Variants in SLC14A2 observed in about 807,000 individuals in gnomAD.
The protein encoded by SLC14A2 is solute carrier family 14 member 2.
A neutral mutation model predicts 104.6 loss-of-function variants in SLC14A2; 91 were observed. The ratio of observed to expected loss-of-function variants is 0.87; its 90% CI spans 0.73 to 1.04. SLC14A2 has a LOEUF of 1.04. SLC14A2 is among the 50% of genes least tolerant of loss of function. The pLI is 0.00. For synonymous variants in SLC14A2, 476 were observed against 466.4 expected (o/e 1.02, Z -0.27); for missense variants, 1,189 against 1,156.0 (o/e 1.03, Z -0.41).
chr18:45,682,676 C>T lies in SLC14A2; in HGVS notation c.*157C>T. 4.7e-6 allele frequency: 3 copies of T among 644,066 alleles called. No individual in the cohort carries two copies. In the South Asian group the frequency reaches 5.5e-5, roughly 12 times the overall value. The allele number at this position is 644,066 out of a possible 1,614,324, so 39.9% of individuals were successfully genotyped here. On this transcript the variant is annotated 3_prime_UTR_variant, in exon 20 of 20. Transcript: ENST00000255226. ...ATGTAGTCACCATTCCAGAACCTCT[C>T]TTTTCTAAGATGCACAACACTTATC...
At chr18:45,442,557 G>T (rs1237078340) in intron 1 of SLC14A2, among the ~76,000 whole-genome samples, 1 of 152,150 alleles carries the variant, frequency 6.6e-6, no homozygotes, top group Non-Finnish European at 1.5e-5. Context: ...CACAGGTTAT[G>T]TTGGATTAGG....
intron 1 of SLC14A2, among the ~76,000 whole-genome samples, chr18:45,417,267 A>T (rs148786323): frequency 2.6e-5 from 4 of 152,174 alleles, no homozygotes; most frequent in African/African-American, 9.6e-5. Context: ...CTTTTTGGTG[A>T]TCCTTTCTTT....
At chr18:45,485,683 C>T (rs918896822) in intron 2 of SLC14A2, among the ~76,000 whole-genome samples, 4 of 152,070 alleles carry the variant, frequency 2.6e-5, no homozygotes, top group African/African-American at 9.7e-5. Context: ...GTTTTTTCTT[C>T]CCTTCAACTC....
At chr18:45,490,819 A>T (rs1477117005) in intron 2 of SLC14A2, among the ~76,000 whole-genome samples, 1 of 152,240 alleles carries the variant, frequency 6.6e-6, no homozygotes, top group Admixed American at 6.5e-5. Context: ...ATATTAAAGC[A>T]GGCAGTTCAC....
intron 1 of SLC14A2, among the ~76,000 whole-genome samples, chr18:45,312,969 G>T (rs2085093940): frequency 6.6e-6 from 1 of 152,164 alleles, no homozygotes; most frequent in South Asian, 2.1e-4. Flanking sequence ...TGCTGATGGA[G>T]GACATACATG....
chr18:45,634,716 A>G, intron 5 of SLC14A2: 1 of 429,946 alleles, frequency 2.3e-6, no homozygotes, highest in South Asian at 1.7e-5. Flanking sequence ...TAGACCCAGT[A>G]AGCCTTTGGA....
intron 1 of SLC14A2, among the ~76,000 whole-genome samples, chr18:45,220,172 T>C (rs2084048259): frequency 1.3e-5 from 2 of 152,296 alleles, no homozygotes; most frequent in Middle Eastern, 3.4e-3. Context: ...CCATTCCTGA[T>C]AGTAAGCAAG....
At chr18:45,184,213 T>A in the SLC14A2 span, among the ~76,000 whole-genome samples, 2,400 of 152,308 alleles carry the variant, frequency 0.016, 39 homozygotes, top group Non-Finnish European at 0.024. Flanking sequence ...ATAGTCACAC[T>A]GCTATTGTGT....
chr18:45,201,657 C>T, the SLC14A2 span, among the ~76,000 whole-genome samples: 7 of 151,896 alleles, frequency 4.6e-5, no homozygotes, highest in African/African-American at 7.3e-5. Context: ...TTAGAATCAG[C>T]CATTTCTCCA....
At chr18:45,193,811 C>A in the SLC14A2 span, among the ~76,000 whole-genome samples, 1 of 152,066 alleles carries the variant, frequency 6.6e-6, no homozygotes, top group Non-Finnish European at 1.5e-5. Flanking sequence ...AGGAGAATAA[C>A]ATTTTGAGAA....
At chr18:45,174,769 A>T in the SLC14A2 span, among the ~76,000 whole-genome samples, 1 of 152,156 alleles carries the variant, frequency 6.6e-6, no homozygotes, top group African/African-American at 2.4e-5. Context: ...GGACATGTTT[A>T]AAATATGTGA....
intron 1 of SLC14A2, among the ~76,000 whole-genome samples, chr18:45,624,341 C>T (rs1196102890): frequency 6.6e-6 from 1 of 152,122 alleles, no homozygotes; most frequent in African/African-American, 2.4e-5. Context: ...ATATGAAAGG[C>T]AGAGAAAAAA....
chr18:45,212,710 C>A (rs1244835118), upstream of SLC14A2, among the ~76,000 whole-genome samples: 1 of 152,138 alleles, frequency 6.6e-6, no homozygotes, highest in African/African-American at 2.4e-5. Flanking sequence ...TAATCATACT[C>A]CAAAGAACAC....
intron 1 of SLC14A2, among the ~76,000 whole-genome samples, chr18:45,286,797 A>G (rs941799037): frequency 3.3e-5 from 5 of 152,126 alleles, no homozygotes; most frequent in Non-Finnish European, 7.3e-5. Flanking sequence ...CATAGATGTT[A>G]TGGAAATGAC....
chr18:45,289,799 C>G (rs1319565064), intron 1 of SLC14A2, among the ~76,000 whole-genome samples: 1 of 152,070 alleles, frequency 6.6e-6, no homozygotes, highest in Non-Finnish European at 1.5e-5. Context: ...ATGTGTCATG[C>G]AAGGAAGGGT....
chr18:45,634,009 T>A (rs1021304613), intron 5 of SLC14A2, among the ~76,000 whole-genome samples: 4 of 152,144 alleles, frequency 2.6e-5, no homozygotes, highest in African/African-American at 9.7e-5. Context: ...CTACATAGAT[T>A]AAGCCCCTCA....
At chr18:45,184,917 T>C in the SLC14A2 span, among the ~76,000 whole-genome samples, 1 of 152,214 alleles carries the variant, frequency 6.6e-6, no homozygotes, top group Non-Finnish European at 1.5e-5. Context: ...TCCTCTCATG[T>C]TGGGAAAATA....
chr18:45,678,001 T>C (rs907774669), intron 18 of SLC14A2, among the ~76,000 whole-genome samples: 3 of 152,142 alleles, frequency 2.0e-5, no homozygotes, highest in Admixed American at 6.5e-5. Context: ...TTGGTTTCTG[T>C]AGAGATGGTA....
At chr18:45,307,898 C>T (rs943432540) in intron 1 of SLC14A2, among the ~76,000 whole-genome samples, 14 of 152,166 alleles carry the variant, frequency 9.2e-5, no homozygotes, top group Non-Finnish European at 1.9e-4. Flanking sequence ...GTTCTGCAAG[C>T]TGTGCAAGAA....
Sources: allele counts gnomAD v4.1 joint callset (sites outside exome capture counted in the v4.1 genomes callset), GRCh38; gene constraint gnomAD v4.1.1; transcripts MANE v1.5; gene names NCBI Gene and HGNC (gene_info 2026-07-23, HGNC 2026-07-21).